The following DPP10 variants were observed in gnomAD, a reference collection of about 807,000 sequenced individuals.
The protein encoded by DPP10 is inactive dipeptidyl peptidase 10.
In DPP10, 33 loss-of-function variants were observed where a neutral mutation model predicts 120.9. That is an observed-to-expected ratio of 0.27 (90% confidence interval 0.21 to 0.37). DPP10 has a LOEUF of 0.37. DPP10 is among the 10% of genes least tolerant of loss of function. The probability of loss-of-function intolerance (pLI) is 1.00; values close to 1 mark genes in which losing one functional copy is unlikely to be tolerated. For synonymous variants in DPP10, 337 were observed against 326.1 expected, an observed-to-expected ratio of 1.03 and a Z score of -0.36; for missense variants, 816 against 942.8, an observed-to-expected ratio of 0.87 and a Z score of 1.76.
chr2:115,805,961 G>A (rs1238958594), intron 19 of DPP10, among the ~76,000 whole-genome samples: 2 of 152,130 alleles, frequency 1.3e-5, no homozygotes, highest in Non-Finnish European at 2.9e-5. Context: ...TTGCAGGTGA[G>A]AACCCTTGAG....
chr2:114,775,441 G>T (rs74620600), intron 1 of DPP10, among the ~76,000 whole-genome samples: 1 of 152,276 alleles, frequency 6.6e-6, no homozygotes, highest in Non-Finnish European at 1.5e-5. Flanking sequence ...GCTGCCAAGT[G>T]CAGAAATACA....
At chr2:114,516,529 T>A (rs927158176) in intron 1 of DPP10, among the ~76,000 whole-genome samples, 1 of 152,196 alleles carries the variant, frequency 6.6e-6, no homozygotes, top group Non-Finnish European at 1.5e-5. Flanking sequence ...CCATCAAAAG[T>A]ACATTTTAAG....
intron 1 of DPP10, among the ~76,000 whole-genome samples, chr2:114,544,691 C>A (rs972015979): frequency 5.3e-5 from 8 of 150,866 alleles, no homozygotes; most frequent in African/African-American, 1.7e-4. Flanking sequence ...ATACATTAAG[C>A]GTAATAATTA....
chr2:115,086,250 A>G (rs1708683812), intron 1 of DPP10, among the ~76,000 whole-genome samples: 1 of 152,164 alleles, frequency 6.6e-6, no homozygotes, highest in Admixed American at 6.5e-5. Flanking sequence ...TGCAGCCACT[A>G]TAAGATTTCA....
At chr2:114,581,366 G>T (rs1030246328) in intron 1 of DPP10, among the ~76,000 whole-genome samples, 13 of 151,572 alleles carry the variant, frequency 8.6e-5, no homozygotes, top group African/African-American at 2.7e-4. Context: ...TGTATTTTTA[G>T]TAGAGATGGA....
At chr2:115,403,131 T>C (rs1011660518) in intron 3 of DPP10, among the ~76,000 whole-genome samples, 3 of 151,250 alleles carry the variant, frequency 2.0e-5, no homozygotes. Flanking sequence ...TCAATAAATG[T>C]GATGCACCAC....
At chr2:114,737,300 C>G (rs1315335733) in intron 1 of DPP10, among the ~76,000 whole-genome samples, 1 of 152,156 alleles carries the variant, frequency 6.6e-6, no homozygotes, top group Admixed American at 6.6e-5. Flanking sequence ...TGAGCTGTAG[C>G]CTGAACTGGT....
intron 1 of DPP10, among the ~76,000 whole-genome samples, chr2:115,024,154 T>TA (rs201420483): frequency 6.6e-6 from 1 of 152,092 alleles, no homozygotes; most frequent in African/African-American, 2.4e-5. Context: ...AAAAACCTAT[T>TA]AAAAAAATTT....
chr2:114,553,970 A>G (rs1050123074), intron 1 of DPP10, among the ~76,000 whole-genome samples: 3 of 152,238 alleles, frequency 2.0e-5, no homozygotes, highest in Non-Finnish European at 2.9e-5. Context: ...TAATAACAAG[A>G]CAAGATACAT....
rs190880559 is a variant in DPP10, at chr2:114,935,135, G to A, written c.61-374104G>A. 2.5e-4 allele frequency among the ~76,000 whole-genome samples: 38 copies of A among 152,128 alleles called. 1 individual carries two copies. In the Middle Eastern group the frequency reaches 0.017, roughly 68 times the overall value. On this transcript the variant is annotated intron_variant, in intron 1 of 25. Coordinates refer to ENST00000410059, the MANE Select transcript of DPP10 (RefSeq NM_020868.6). ...TTCATTCCCCTGTCAGGACAACCCC[G>A]CTGCTTCCCATTTTCATTCCTCTAC...
At chr2:115,797,126 G>A (rs1055452942) in intron 19 of DPP10, among the ~76,000 whole-genome samples, 3 of 151,974 alleles carry the variant, frequency 2.0e-5, no homozygotes, top group Non-Finnish European at 2.9e-5. Context: ...TTTTCCACAT[G>A]TACTATGTTA....
intron 1 of DPP10, among the ~76,000 whole-genome samples, chr2:114,939,788 T>A (rs1374972632): frequency 6.6e-6 from 1 of 152,180 alleles, no homozygotes; most frequent in Non-Finnish European, 1.5e-5. Context: ...CCTGTCTGCT[T>A]AGAGGGTGGC....
At chr2:114,665,718 A>AC (rs1234215143) in intron 1 of DPP10, among the ~76,000 whole-genome samples, 3 of 152,210 alleles carry the variant, frequency 2.0e-5, no homozygotes, top group African/African-American at 7.2e-5. Flanking sequence ...ATTCCAGATG[A>AC]CCCCCAAGAG....
chr2:114,774,923 A>G (rs2106166860), intron 1 of DPP10, among the ~76,000 whole-genome samples: 1 of 152,128 alleles, frequency 6.6e-6, no homozygotes, highest in Admixed American at 6.6e-5. Flanking sequence ...TTCATACCAT[A>G]TAATTCTCTA....
intron 1 of DPP10, among the ~76,000 whole-genome samples, chr2:114,988,612 A>G (rs1052452696): frequency 2.6e-5 from 4 of 152,146 alleles, no homozygotes; most frequent in Admixed American, 1.3e-4. Context: ...CTCTTTTTGT[A>G]GCCCTTTTTC....
At chr2:115,247,800 A>G (rs977710363) in intron 1 of DPP10, among the ~76,000 whole-genome samples, 1 of 152,144 alleles carries the variant, frequency 6.6e-6, no homozygotes, top group Non-Finnish European at 1.5e-5. Context: ...TGAGAATAAA[A>G]CACCCCGTGA....
rs988159599 is a variant in DPP10, at chr2:114,586,068, T to C, written c.60+143230T>C. Among the ~76,000 whole-genome samples the C allele has an allele frequency of 5.9e-5, 9 of 152,134 alleles. No individual in the cohort carries two copies. In the South Asian group the frequency reaches 1.9e-3, roughly 32 times the overall value. ...TTCGAGACGAGCCTGGGCAATGTGG[T>C]GAAACTCCATCTCTATAATAAATAC... On this transcript the variant is annotated intron_variant, in intron 1 of 25. Coordinates refer to ENST00000410059, the MANE Select transcript of DPP10 (RefSeq NM_020868.6).
intron 1 of DPP10, among the ~76,000 whole-genome samples, chr2:114,452,193 C>T (rs942917209): frequency 2.6e-5 from 4 of 152,094 alleles, no homozygotes; most frequent in Non-Finnish European, 5.9e-5. Flanking sequence ...CCTAGTAATA[C>T]ATGAATGGCT....
chr2:115,062,128 C>CTG lies in DPP10; in HGVS notation c.61-247071_61-247070dup, dbSNP rs61413782. ...GTATTGTTGTTTTAAGATTACAGTT[C>CTG]TGTGTGTGTGTGTGTGTGTGTGTGT... On this transcript the variant is annotated intron_variant, in intron 1 of 25. Transcript: ENST00000410059. 1.0e-3 allele frequency among the ~76,000 whole-genome samples: 146 copies of CTG among 143,962 alleles called. 1 individual carries two copies. Among genetic ancestry groups the CTG allele is most frequent in the Middle Eastern group, 3.6e-3 (1 of 274 alleles). The allele number at this position is 143,962 out of a possible 152,430, so 94.4% of individuals were successfully genotyped here. A position where few individuals can be genotyped will look rare whatever the true frequency, so the allele number is the denominator to read the frequency against.
Sources: allele counts gnomAD v4.1 joint callset (sites outside exome capture counted in the v4.1 genomes callset), GRCh38; gene constraint gnomAD v4.1.1; transcripts MANE v1.5; gene names NCBI Gene and HGNC (gene_info 2026-07-23, HGNC 2026-07-21).